ST3GAL3: variants seen among roughly 807,000 people sequenced by gnomAD.
ST3GAL3 encodes ST3 beta-galactoside alpha-2,3-sialyltransferase 3.
ST3GAL3 carries 21 observed loss-of-function variants against 50.1 expected under a neutral mutation model. The observed-to-expected ratio is 0.42, with a 90% confidence interval of 0.30 to 0.60. ST3GAL3 has a LOEUF of 0.60. Among genes scored for constraint, ST3GAL3 ranks in the 20% least tolerant of loss-of-function variants. ST3GAL3 has a pLI of 0.19. For synonymous variants in ST3GAL3, 183 were observed against 190.0 expected, an observed-to-expected ratio of 0.96 and a Z score of 0.30; for missense variants, 353 against 489.4, an observed-to-expected ratio of 0.72 and a Z score of 2.63.
chr1:43,865,112 G>A (rs1350471362), intron 5 of ST3GAL3, among the ~76,000 whole-genome samples: 1 of 151,860 alleles, frequency 6.6e-6, no homozygotes, highest in African/African-American at 2.4e-5. Context: ...CGCCTCCCGG[G>A]TTCACGCCAT....
At chr1:43,905,985 C>T (rs1296285668) in intron 9 of ST3GAL3, among the ~76,000 whole-genome samples, 1 of 85,154 alleles carries the variant, frequency 1.2e-5, no homozygotes, top group Non-Finnish European at 2.5e-5. Context: ...CTCCTGCTCC[C>T]CTTCCCGCCA....
rs1323681646 is a variant in ST3GAL3, at chr1:43,822,335, CTA to C, written c.209+7404_209+7405del. ...AGATTTAATTAAATGGAAGTTTCATCTATTTCTGCTGGGTGTGGGCAGGTGCT... is the reference window on the plus strand; with the variant it reads ...AGATTTAATTAAATGGAAGTTTCATCTTTCTGCTGGGTGTGGGCAGGTGCT... On this transcript the variant is annotated intron_variant, in intron 4 of 11. Coordinates refer to ENST00000347631, the MANE Select transcript of ST3GAL3 (RefSeq NM_006279.5). 3.9e-5 allele frequency among the ~76,000 whole-genome samples: 6 copies of C among 152,286 alleles called. No individual in the cohort carries two copies. In the South Asian group the frequency reaches 1.2e-3, roughly 32 times the overall value.
At chr1:43,921,433 C>G in intron 11 of ST3GAL3, 1 of 408,412 alleles carries the variant, frequency 2.4e-6, no homozygotes. Flanking sequence ...TGGCATTTCT[C>G]CCTCCCTAGC....
At chr1:43,806,720 A>G (rs973424468) in intron 3 of ST3GAL3, among the ~76,000 whole-genome samples, 1 of 152,144 alleles carries the variant, frequency 6.6e-6, no homozygotes, top group Non-Finnish European at 1.5e-5. Context: ...ACAGGGTCTT[A>G]CTCCCGTTGC....
At position 43,930,453 on chromosome 1, in the gene ST3GAL3, G is replaced by A; in HGVS notation, c.*232G>A. ...CCAGAGGGCCAGCAGGCTCCTGGCTGTGCCCAGCAGGCCCAGCATGCAGGT... is the reference window on the plus strand; with the variant it reads ...CCAGAGGGCCAGCAGGCTCCTGGCTATGCCCAGCAGGCCCAGCATGCAGGT... On this transcript the variant is annotated 3_prime_UTR_variant, in exon 12 of 12. Coordinates refer to ENST00000347631, the MANE Select transcript of ST3GAL3 (RefSeq NM_006279.5). 1.7e-6 allele frequency: 1 copy of A among 596,408 alleles called. No individual in the cohort carries two copies. Among genetic ancestry groups the A allele is most frequent in the Non-Finnish European group, 3.0e-6 (1 of 332,834 alleles). 36.9% of individuals were successfully genotyped at this position (596,408 alleles called of 1,614,324 possible). A position where few individuals can be genotyped will look rare whatever the true frequency, so the allele number is the denominator to read the frequency against.
At chr1:43,759,790 A>G (rs1211055920) in intron 2 of ST3GAL3, among the ~76,000 whole-genome samples, 1 of 152,236 alleles carries the variant, frequency 6.6e-6, no homozygotes, top group East Asian at 1.9e-4. Context: ...AATAAAATGA[A>G]GCCAATTTTA....
intron 2 of ST3GAL3, among the ~76,000 whole-genome samples, chr1:43,746,350 G>A (rs1683640898): frequency 6.6e-6 from 1 of 152,194 alleles, no homozygotes; most frequent in South Asian, 2.1e-4. Context: ...AGTTCAATGG[G>A]TTCAGAGTTT....
At position 43,838,344 on chromosome 1, in the gene ST3GAL3, C is replaced by T. The variant is rs199523716; in HGVS notation, c.302+33C>T. 37 of 1,595,150 alleles carry T rather than the reference C, an allele frequency of 2.3e-5. No homozygotes were observed. The East Asian group carries it at 7.8e-4, about 34-fold the overall frequency. On this transcript the variant is annotated intron_variant, in intron 5 of 11. Coordinates refer to ENST00000347631, the MANE Select transcript of ST3GAL3 (RefSeq NM_006279.5). ...CTCCTGTTTCCCTCCACTGCCTAGACAGCCTGGTCTGGGGTCCAAGAGCCA... is the reference window on the plus strand; with the variant it reads ...CTCCTGTTTCCCTCCACTGCCTAGATAGCCTGGTCTGGGGTCCAAGAGCCA...
Position 43,731,529 on chromosome 1 carries a change from C to T in ST3GAL3, c.-30-4704C>T, listed in dbSNP as rs552060053. Among the ~76,000 whole-genome samples the T allele has an allele frequency of 2.7e-4, 40 of 150,260 alleles. No homozygotes were observed. In the East Asian group the frequency reaches 5.7e-3, roughly 21 times the overall value. Reference sequence around the variant, plus strand: ...CCTCCCGAGTAGCTGGGGCTACAGGCGCCCGCCACCATGCCCGGCTAATTT... The same window carrying T: ...CCTCCCGAGTAGCTGGGGCTACAGGTGCCCGCCACCATGCCCGGCTAATTT... On this transcript the variant is annotated intron_variant, in intron 1 of 11. Coordinates refer to ENST00000347631, the MANE Select transcript of ST3GAL3 (RefSeq NM_006279.5).
intron 1 of ST3GAL3, among the ~76,000 whole-genome samples, chr1:43,732,140 C>G (rs1676209076): frequency 6.6e-6 from 1 of 152,184 alleles, no homozygotes; most frequent in African/African-American, 2.4e-5. Flanking sequence ...TTCTTTCCAG[C>G]TGGTACATTA....
chr1:43,899,714 A>C lies in ST3GAL3; in HGVS notation c.731A>C (p.Tyr244Ser). 5 of 1,614,030 alleles carry C rather than the reference A, an allele frequency of 3.1e-6. No homozygotes were observed. The highest frequency in any genetic ancestry group is 4.2e-6 in the Non-Finnish European group (5 of 1,180,024). ...QDFKWLKYIV[Y>S]KERVSASDGF... ...TTTAAGTGGTTGAAATACATCGTCT[A>C]CAAGGAGAGAGTGGTAAGCTCTCCT... is the stretch of plus-strand genomic sequence containing the variant. The change falls in exon 9 of 12, where the codon TAC becomes TCC. Residue 244 changes from tyrosine to serine, a missense_variant. Coordinates refer to ENST00000347631, the MANE Select transcript of ST3GAL3 (RefSeq NM_006279.5). This position sits in a 1 kb window ranked among gnomAD's most constrained non-coding sequence, Gnocchi z 5.4.
chr1:43,762,489 A>G (rs568729272), intron 2 of ST3GAL3, among the ~76,000 whole-genome samples: 56 of 152,184 alleles, frequency 3.7e-4, no homozygotes, highest in African/African-American at 1.3e-3. Context: ...AGTTCACTCC[A>G]GTTGCCTGGC....
intron 4 of ST3GAL3, among the ~76,000 whole-genome samples, chr1:43,817,384 CT>C: frequency 2.6e-5 from 1 of 38,514 alleles, no homozygotes; most frequent in Non-Finnish European, 5.8e-5. Context: ...TCTTCTCCTT[CT>C]TCTTCTCCTC....
At chr1:43,744,998 AG>A (rs1395520198) in intron 2 of ST3GAL3, among the ~76,000 whole-genome samples, 10 of 74,736 alleles carry the variant, frequency 1.3e-4, no homozygotes, top group East Asian at 1.7e-3. Context: ...TTGAAAAAAA[AG>A]AAAAAAGAAA....
chr1:43,715,865 C>T (rs2154064921), intron 1 of ST3GAL3, among the ~76,000 whole-genome samples: 1 of 152,240 alleles, frequency 6.6e-6, no homozygotes, highest in Non-Finnish European at 1.5e-5. Flanking sequence ...GTTATATAAC[C>T]TCTAGAAAAC....
chr1:43,916,273 G>A (rs2081780415), intron 9 of ST3GAL3, among the ~76,000 whole-genome samples: 1 of 152,258 alleles, frequency 6.6e-6, no homozygotes. Context: ...TAAATGGCCA[G>A]TCATTAGAAT....
At chr1:43,895,450 G>C (rs1235097152) in intron 6 of ST3GAL3, among the ~76,000 whole-genome samples, 1 of 152,180 alleles carries the variant, frequency 6.6e-6, no homozygotes, top group Non-Finnish European at 1.5e-5. Context: ...AGGCACAGAG[G>C]GATCAGATCC....
chr1:43,866,942 C>G (rs2071462086), intron 5 of ST3GAL3, among the ~76,000 whole-genome samples: 1 of 152,096 alleles, frequency 6.6e-6, no homozygotes, highest in Non-Finnish European at 1.5e-5. Flanking sequence ...CCAGCCTGGC[C>G]AAGATGGTGA....
chr1:43,852,179 ACT>A (rs150743726), intron 5 of ST3GAL3, among the ~76,000 whole-genome samples: 177 of 152,140 alleles, frequency 1.2e-3, no homozygotes, highest in African/African-American at 3.9e-3. Flanking sequence ...ACACTTTTGT[ACT>A]CTCTGCTGGG....
Sources: allele counts gnomAD v4.1 joint callset (sites outside exome capture counted in the v4.1 genomes callset), GRCh38; gene constraint gnomAD v4.1.1; non-coding constraint Gnocchi (gnomAD v3.1); transcripts MANE v1.5; gene names NCBI Gene and HGNC (gene_info 2026-07-23, HGNC 2026-07-21).